ARL15: variants seen among roughly 807,000 people sequenced by gnomAD.
ARL15 encodes ARF like GTPase 15.
ARL15 carries 19 observed loss-of-function variants against 25.2 expected under a neutral mutation model. That is an observed-to-expected ratio of 0.75 (90% CI 0.53 to 1.10). The LOEUF is 1.10. ARL15 is among the 50% of genes least tolerant of loss of function. The pLI, the probability that ARL15 is intolerant of heterozygous loss-of-function variation, is 0.00. For synonymous variants in ARL15, 94 were observed against 86.8 expected, an observed-to-expected ratio of 1.08 and a Z score of -0.46; for missense variants, 220 against 246.0, an observed-to-expected ratio of 0.89 and a Z score of 0.71.
At chr5:53,925,918 A>G (rs1253285910) in intron 4 of ARL15, among the ~76,000 whole-genome samples, 7 of 151,044 alleles carry the variant, frequency 4.6e-5, no homozygotes, top group Admixed American at 4.6e-4. Flanking sequence ...CATAGGAGGG[A>G]TTCTCTGACT....
At chr5:54,034,561 A>G (rs1321137762) in intron 4 of ARL15, among the ~76,000 whole-genome samples, 1 of 152,224 alleles carries the variant, frequency 6.6e-6, no homozygotes, top group Non-Finnish European at 1.5e-5. Flanking sequence ...ATATTTCTAC[A>G]CTGTAGGCAG....
intron 3 of ARL15, among the ~76,000 whole-genome samples, chr5:54,150,681 C>T (rs2112337771): frequency 6.6e-6 from 1 of 152,030 alleles, no homozygotes; most frequent in South Asian, 2.1e-4. Context: ...GCCTGTAAAC[C>T]CAGCTACTCG....
chr5:54,150,774 G>A (rs1313161461), intron 3 of ARL15, among the ~76,000 whole-genome samples: 1 of 151,396 alleles, frequency 6.6e-6, no homozygotes, highest in East Asian at 1.9e-4. Context: ...TTCCATCCTG[G>A]GCAACGGAGC....
chr5:54,175,536 T>G (rs931854875), intron 1 of ARL15, among the ~76,000 whole-genome samples: 6 of 152,092 alleles, frequency 3.9e-5, no homozygotes, highest in African/African-American at 1.4e-4. Flanking sequence ...GGTTTCACCA[T>G]GTTGGCCAGG....
intron 4 of ARL15, among the ~76,000 whole-genome samples, chr5:53,913,896 G>A (rs953139323): frequency 6.6e-6 from 1 of 152,116 alleles, no homozygotes; most frequent in Non-Finnish European, 1.5e-5. Context: ...CTATCTTGAA[G>A]TACAATTATT....
chr5:54,192,543 C>G (rs1755435739), intron 1 of ARL15, among the ~76,000 whole-genome samples: 1 of 151,158 alleles, frequency 6.6e-6, no homozygotes, highest in South Asian at 2.1e-4. Flanking sequence ...GAACATGCAT[C>G]CTTTTAAATC....
chr5:54,069,230 T>A (rs1031624025), intron 4 of ARL15, among the ~76,000 whole-genome samples: 2 of 152,002 alleles, frequency 1.3e-5, no homozygotes, highest in Non-Finnish European at 2.9e-5. Context: ...AAAACATAAT[T>A]GTATGTACTA....
chr5:54,201,270 G>A (rs867593225), intron 1 of ARL15, among the ~76,000 whole-genome samples: 1 of 151,512 alleles, frequency 6.6e-6, no homozygotes, highest in Admixed American at 6.6e-5. Context: ...TACCCCACAC[G>A]CTCCTCACCC....
chr5:53,923,346 A>G (rs1035609303), intron 4 of ARL15, among the ~76,000 whole-genome samples: 8 of 152,220 alleles, frequency 5.3e-5, no homozygotes, highest in African/African-American at 1.7e-4. Flanking sequence ...TCTGCATAAA[A>G]TATGACGCAG....
intron 1 of ARL15, among the ~76,000 whole-genome samples, chr5:54,182,624 C>T (rs1424715864): frequency 1.5e-4 from 22 of 147,990 alleles, no homozygotes; most frequent in Admixed American, 1.2e-3. Flanking sequence ...ATTGACTTGG[C>T]GATGCGGGCT....
At chr5:54,149,732 C>A (rs879667022) in intron 3 of ARL15, among the ~76,000 whole-genome samples, 2 of 152,126 alleles carry the variant, frequency 1.3e-5, no homozygotes, top group Non-Finnish European at 2.9e-5. Context: ...AAGGAAAATT[C>A]TTTAAAGAGT....
chr5:54,202,984 G>C (rs1755763954), intron 1 of ARL15, among the ~76,000 whole-genome samples: 1 of 152,068 alleles, frequency 6.6e-6, no homozygotes, highest in Admixed American at 6.6e-5. Context: ...GATAGAAAAA[G>C]TTAATGTAAT....
At chr5:54,275,980 C>T (rs1757919285) in intron 1 of ARL15, among the ~76,000 whole-genome samples, 1 of 151,810 alleles carries the variant, frequency 6.6e-6, no homozygotes, top group African/African-American at 2.4e-5. Flanking sequence ...TGCTATGTTG[C>T]CCAGGCTGGA....
At chr5:54,256,611 T>TA (rs71600817) in intron 1 of ARL15, among the ~76,000 whole-genome samples, 4,399 of 112,446 alleles carry the variant, frequency 0.039, 128 homozygotes, top group African/African-American at 0.091. Context: ...TGAAAGAATG[T>TA]AAAAAAAAAA....
chr5:54,106,731 C>T (rs1421984774), intron 4 of ARL15, among the ~76,000 whole-genome samples: 2 of 151,910 alleles, frequency 1.3e-5, no homozygotes, highest in African/African-American at 4.8e-5. Flanking sequence ...TACATGAATG[C>T]AGAACTCACA....
chr5:54,125,027 C>T (rs1391765320), intron 3 of ARL15, among the ~76,000 whole-genome samples: 1 of 151,396 alleles, frequency 6.6e-6, no homozygotes, highest in African/African-American at 2.4e-5. Context: ...TTCTGTCTTG[C>T]TATCAGATTC....
At chr5:53,953,707 G>T (rs1029174119) in intron 4 of ARL15, among the ~76,000 whole-genome samples, 2 of 152,126 alleles carry the variant, frequency 1.3e-5, no homozygotes, top group African/African-American at 2.4e-5. Flanking sequence ...TGAAGGAAGA[G>T]GAGGTGTCAG....
intron 1 of ARL15, among the ~76,000 whole-genome samples, chr5:54,209,254 C>T (rs1755964883): frequency 6.6e-6 from 1 of 151,870 alleles, no homozygotes; most frequent in Non-Finnish European, 1.5e-5. Context: ...AGCCAATAGA[C>T]AATGCCTAAA....
At chr5:54,065,469 C>A (rs185928156) in intron 4 of ARL15, among the ~76,000 whole-genome samples, 8 of 152,070 alleles carry the variant, frequency 5.3e-5, no homozygotes, top group Admixed American at 1.3e-4. Context: ...AGTTCGAGAC[C>A]AGGCTGGCCA....
Sources: gnomAD v4.1 joint callset for allele counts (sites outside exome capture counted in the v4.1 genomes callset) on GRCh38, gnomAD v4.1.1 for gene constraint, MANE v1.5 for transcripts, NCBI Gene and HGNC (gene_info 2026-07-23, HGNC 2026-07-21) for gene names.